Variants in TOX observed in about 807,000 individuals in gnomAD.
TOX encodes the protein thymocyte selection associated high mobility group box, also known as thymocyte selection-associated high mobility group box protein TOX.
TOX carries 11 observed loss-of-function variants against 53.7 expected under a neutral mutation model. The observed-to-expected ratio is 0.20, with a 90% CI of 0.13 to 0.34. The LOEUF (loss-of-function observed/expected upper bound fraction) is 0.34, where lower values mean the gene tolerates loss of function less well. TOX is among the 10% of genes least tolerant of loss of function. TOX has a pLI of 1.00. For synonymous variants in TOX, 225 were observed against 245.3 expected, an observed-to-expected ratio of 0.92 and a Z score of 0.77; for missense variants, 570 against 664.6, an observed-to-expected ratio of 0.86 and a Z score of 1.56.
chr8:58,882,237 TCATCCTAA>T (rs1811395511), intron 3 of TOX, among the ~76,000 whole-genome samples: 1 of 152,214 alleles, frequency 6.6e-6, no homozygotes, highest in Non-Finnish European at 1.5e-5. Context: ...AACAAGAAGA[TCATCCTAA>T]CATCCTAACA....
intron 2 of TOX, among the ~76,000 whole-genome samples, chr8:58,949,026 G>A (rs1031162399): frequency 3.9e-5 from 6 of 152,164 alleles, no homozygotes; most frequent in Non-Finnish European, 7.4e-5. Context: ...ACAGATCTCA[G>A]CTCATCCCTT....
intron 3 of TOX, among the ~76,000 whole-genome samples, chr8:58,929,795 T>G (rs1812230192): frequency 1.3e-5 from 2 of 152,156 alleles, no homozygotes; most frequent in Non-Finnish European, 2.9e-5. Flanking sequence ...TGGGCAAATG[T>G]TTAATAGACA....
chr8:58,935,703 C>T (rs1812331983), intron 3 of TOX, among the ~76,000 whole-genome samples: 2 of 152,174 alleles, frequency 1.3e-5, no homozygotes, highest in Non-Finnish European at 2.9e-5. Flanking sequence ...CATATTTCAA[C>T]AATTGGCAAA....
chr8:58,911,349 T>C (rs1055152012), intron 3 of TOX, among the ~76,000 whole-genome samples: 2 of 152,196 alleles, frequency 1.3e-5, no homozygotes, highest in Non-Finnish European at 2.9e-5. Flanking sequence ...AAAATGAAAA[T>C]ATCTACATAT....
At chr8:59,082,567 C>T (rs1486154911) in intron 1 of TOX, among the ~76,000 whole-genome samples, 5 of 152,166 alleles carry the variant, frequency 3.3e-5, no homozygotes, top group African/African-American at 7.2e-5. Context: ...GAAATGCCTT[C>T]TAGGTGTGGG....
At position 59,075,930 on chromosome 8, in the gene TOX, G is replaced by A. The variant is rs943480915; in HGVS notation, c.102+42956C>T. Among the ~76,000 whole-genome samples, 7 of 151,908 alleles carry A rather than the reference G, an allele frequency of 4.6e-5. No individual in the cohort carries two copies. In the South Asian group the frequency reaches 1.2e-3, roughly 27 times the overall value. ...TGAGGCAGGGGAATCGCTTGAACCC[G>A]GGAGGCGGAGGTTGCGGTGAGCCCA... On this transcript the variant is annotated intron_variant, in intron 1 of 8. Coordinates refer to ENST00000361421, the MANE Select transcript of TOX (RefSeq NM_014729.3).
intron 1 of TOX, among the ~76,000 whole-genome samples, chr8:59,106,129 T>C (rs1204391934): frequency 1.3e-5 from 2 of 152,176 alleles, no homozygotes; most frequent in Non-Finnish European, 2.9e-5. Context: ...TTCTTGCTAT[T>C]TTCTCCAAAA....
At chr8:59,029,207 T>C (rs1814304468) in intron 1 of TOX, among the ~76,000 whole-genome samples, 5 of 152,060 alleles carry the variant, frequency 3.3e-5, no homozygotes. Context: ...TTAGATGGAA[T>C]ATAGATATAG....
intron 3 of TOX, among the ~76,000 whole-genome samples, chr8:58,927,487 A>G (rs1344700162): frequency 6.6e-6 from 1 of 152,206 alleles, no homozygotes; most frequent in Non-Finnish European, 1.5e-5. Context: ...TGTGCTCTGC[A>G]TCTTTGTCCC....
At chr8:59,057,852 T>C (rs376087958) in intron 1 of TOX, among the ~76,000 whole-genome samples, 2 of 152,112 alleles carry the variant, frequency 1.3e-5, no homozygotes, top group East Asian at 3.9e-4. Context: ...TTTTTGTTTT[T>C]TGGAGTTTTT....
chr8:58,851,438 G>A lies in TOX; in HGVS notation c.693+86C>T, dbSNP rs1019152123. On this transcript the variant is annotated intron_variant, in intron 4 of 8. Coordinates refer to ENST00000361421, the MANE Select transcript of TOX (RefSeq NM_014729.3). The surrounding 1 kb of genome is among the most constrained non-coding windows in gnomAD (Gnocchi z 4.4). ...TGTCTCCCTCCAATGTTTCTCGCATGGATGATATAAACTTGTACCCAGCAC... is the reference window on the plus strand; with the variant it reads ...TGTCTCCCTCCAATGTTTCTCGCATAGATGATATAAACTTGTACCCAGCAC... 8.9e-6 allele frequency: 13 copies of A among 1,458,994 alleles called. No homozygotes were observed. The African/African-American group carries it at 1.7e-4, about 19-fold the overall frequency. 90.4% of individuals were successfully genotyped at this position (1,458,994 alleles called of 1,614,324 possible).
chr8:59,015,391 C>T (rs1473764343), intron 1 of TOX, among the ~76,000 whole-genome samples: 1 of 152,182 alleles, frequency 6.6e-6, no homozygotes, highest in Admixed American at 6.5e-5. Context: ...AAAGCTAGAG[C>T]TGAATTCCCC....
At chr8:58,873,958 C>CTCTTTTTTTTTTTTT (rs1491588338) in intron 3 of TOX, among the ~76,000 whole-genome samples, 10 of 40,128 alleles carry the variant, frequency 2.5e-4, no homozygotes, top group African/African-American at 1.6e-3. Flanking sequence ...TGCCAGGAAG[C>CTCTTTTTTTTTTTTT]TTTTTTTTTT....
At chr8:58,979,333 A>G (rs1040208902) in intron 1 of TOX, among the ~76,000 whole-genome samples, 1 of 152,180 alleles carries the variant, frequency 6.6e-6, no homozygotes, top group African/African-American at 2.4e-5. Context: ...TGAAAATTCC[A>G]TTTGTGTTTC....
intron 4 of TOX, among the ~76,000 whole-genome samples, chr8:58,845,297 T>C (rs1387676516): frequency 2.0e-5 from 3 of 152,214 alleles, no homozygotes; most frequent in African/African-American, 7.2e-5. Context: ...AACATAGAAC[T>C]CCACTTATAA....
chr8:58,864,396 A>C (rs559112051), intron 3 of TOX, among the ~76,000 whole-genome samples: 1 of 152,292 alleles, frequency 6.6e-6, no homozygotes, highest in South Asian at 2.1e-4. Context: ...AACTGAAAGA[A>C]ATCAAAAAAC....
intron 1 of TOX, among the ~76,000 whole-genome samples, chr8:59,076,019 A>G (rs899648717): frequency 9.3e-4 from 134 of 143,518 alleles, no homozygotes; most frequent in South Asian, 2.8e-3. Flanking sequence ...AAAAAAAAAA[A>G]GGGGGTCAGG....
intron 1 of TOX, among the ~76,000 whole-genome samples, chr8:59,076,064 G>A (rs1465590068): frequency 6.6e-6 from 1 of 151,814 alleles, no homozygotes; most frequent in Non-Finnish European, 1.5e-5. Flanking sequence ...GGAGAGCTCA[G>A]GAAGTCAGAG....
At chr8:58,932,296 G>A (rs1812268912) in intron 3 of TOX, among the ~76,000 whole-genome samples, 1 of 151,614 alleles carries the variant, frequency 6.6e-6, no homozygotes, top group Non-Finnish European at 1.5e-5. Flanking sequence ...AAAAAAAACA[G>A]GCTATAATTG....
Sources: allele counts gnomAD v4.1 joint callset (sites outside exome capture counted in the v4.1 genomes callset), GRCh38; gene constraint gnomAD v4.1.1; non-coding constraint Gnocchi (gnomAD v3.1); transcripts MANE v1.5; gene names NCBI Gene and HGNC (gene_info 2026-07-23, HGNC 2026-07-21).